The following TANC2 variants were observed in gnomAD, a reference collection of about 807,000 sequenced individuals.
TANC2 encodes the protein tetratricopeptide repeat, ankyrin repeat and coiled-coil containing 2.
TANC2 carries 26 observed loss-of-function variants against 210.5 expected under a neutral mutation model. The ratio of observed to expected loss-of-function variants is 0.12; its 90% CI spans 0.09 to 0.17. The LOEUF is 0.17. Among genes scored for constraint, TANC2 ranks in the 10% least tolerant of loss-of-function variants. The probability of loss-of-function intolerance (pLI) is 1.00; values close to 1 mark genes in which losing one functional copy is unlikely to be tolerated. For missense variants in TANC2, 2,129 were observed against 2,608.9 expected, an observed-to-expected ratio of 0.82 and a Z score of 4.01; for synonymous variants, 931 against 967.1, an observed-to-expected ratio of 0.96 and a Z score of 0.69.
In TANC2 at chr17:63,182,381, G is replaced by A. The variant is rs115818115; in HGVS notation, c.434-11610G>A. 395 of 235,072 alleles carry A rather than the reference G, an allele frequency of 1.7e-3. 2 individuals carry two copies. Among genetic ancestry groups the A allele is most frequent in the African/African-American group, 8.5e-3 (370 of 43,720 alleles). The allele number at this position is 235,072 out of a possible 1,614,324, so 14.6% of individuals were successfully genotyped here. On this transcript the variant is annotated intron_variant, in intron 5 of 27. Transcript: ENST00000689528. ...AAATGGGACATCTGTGACAAATATG[G>A]CAGAGAAATTAAATGGTGGAGGAGG...
chr17:63,274,452 C>T (rs2043811766), intron 9 of TANC2, among the ~76,000 whole-genome samples: 1 of 152,064 alleles, frequency 6.6e-6, no homozygotes, highest in Non-Finnish European at 1.5e-5. Context: ...CTTTTCTAGT[C>T]CCAAAGCCTA....
chr17:63,211,175 C>T (rs987207737), intron 7 of TANC2, among the ~76,000 whole-genome samples: 6 of 152,142 alleles, frequency 3.9e-5, no homozygotes, highest in Non-Finnish European at 5.9e-5. Context: ...ATCAATTACT[C>T]ATTTGACTCC....
chr17:63,073,870 GTAGA>G, intron 2 of TANC2, 69 bp from the exon 3 acceptor site: 1 of 1,212,390 alleles, frequency 8.2e-7, no homozygotes, highest in South Asian at 1.4e-5. Context: ...AGTTTTAAAT[GTAGA>G]TAATGTCAGA....
intron 2 of TANC2, among the ~76,000 whole-genome samples, chr17:63,036,980 A>C (rs2034998939): frequency 6.6e-6 from 1 of 152,016 alleles, no homozygotes; most frequent in Non-Finnish European, 1.5e-5. Context: ...CTTTTTTTAC[A>C]CATACATAGG....
intron 14 of TANC2, among the ~76,000 whole-genome samples, chr17:63,374,094 C>T (rs1487712618): frequency 3.9e-5 from 5 of 128,768 alleles, no homozygotes; most frequent in Admixed American, 9.0e-5. Context: ...TGGAGTGCAA[C>T]GGTGTAATCA....
chr17:63,208,416 A>G (rs73323757), intron 7 of TANC2, among the ~76,000 whole-genome samples: 3,200 of 152,242 alleles, frequency 0.021, 104 homozygotes, highest in African/African-American at 0.072. Flanking sequence ...TACTGTCTTA[A>G]TTACAACCGC....
intron 14 of TANC2, among the ~76,000 whole-genome samples, chr17:63,370,333 C>A (rs1194656415): frequency 6.6e-6 from 1 of 152,086 alleles, no homozygotes; most frequent in Non-Finnish European, 1.5e-5. Context: ...CATCCGCCAC[C>A]ACTCCCGGCT....
intron 8 of TANC2, among the ~76,000 whole-genome samples, chr17:63,251,416 T>A (rs2043050276): frequency 6.6e-6 from 1 of 152,114 alleles, no homozygotes; most frequent in African/African-American, 2.4e-5. Context: ...TAGGTACAAC[T>A]AGAAGAACAA....
At chr17:63,100,449 T>TA (rs1169399670) in intron 4 of TANC2, among the ~76,000 whole-genome samples, 32 of 152,022 alleles carry the variant, frequency 2.1e-4, no homozygotes. Context: ...GTCATTAGAT[T>TA]AAAAAAATAG....
intron 5 of TANC2, among the ~76,000 whole-genome samples, chr17:63,177,264 CAA>C (rs755034454): frequency 5.5e-5 from 4 of 73,266 alleles, no homozygotes; most frequent in Admixed American, 1.5e-4. Flanking sequence ...GACTCTGTCT[CAA>C]AAAAAAAAAA....
chr17:63,026,305 GTACCT>G (rs2034551911), intron 2 of TANC2, among the ~76,000 whole-genome samples: 32 of 152,108 alleles, frequency 2.1e-4, no homozygotes, highest in Admixed American at 1.6e-3. Flanking sequence ...TGTATCCTCA[GTACCT>G]GCCCGGCACA....
chr17:62,970,466 C>T (rs549190587), intron 1 of TANC2, among the ~76,000 whole-genome samples: 6 of 152,296 alleles, frequency 3.9e-5, no homozygotes, highest in Admixed American at 1.3e-4. Flanking sequence ...GAATTCTTGA[C>T]TGTCCCACGC....
At chr17:63,407,039 G>T (rs1311249900) in intron 21 of TANC2, among the ~76,000 whole-genome samples, 1 of 152,230 alleles carries the variant, frequency 6.6e-6, no homozygotes, top group African/African-American at 2.4e-5. Flanking sequence ...ACAAGCACAT[G>T]TACTTTCCTT....
chr17:63,356,320 C>G lies in TANC2; in HGVS notation c.2582+930C>G, dbSNP rs191776357. On this transcript the variant is annotated intron_variant, in intron 14 of 27. Transcript: ENST00000689528. ...TAATAAAGTTGGTGTTTTCAAAAGCCGGGTACATTACTGACTTCATGGAAA... is the reference window on the plus strand; with the variant it reads ...TAATAAAGTTGGTGTTTTCAAAAGCGGGGTACATTACTGACTTCATGGAAA... Among the ~76,000 whole-genome samples the G allele has an allele frequency of 2.0e-4, 31 of 152,170 alleles. 1 individual carries two copies. Among genetic ancestry groups the G allele is most frequent in the Admixed American group, 2.0e-3 (31 of 15,282 alleles).
intron 2 of TANC2, among the ~76,000 whole-genome samples, chr17:63,038,767 A>G (rs2144230162): frequency 6.6e-6 from 1 of 152,290 alleles, no homozygotes; most frequent in South Asian, 2.1e-4. Flanking sequence ...AAAAAGGTGT[A>G]TTTAAAAGAC....
intron 11 of TANC2, among the ~76,000 whole-genome samples, chr17:63,331,797 C>T (rs955416482): frequency 5.9e-5 from 9 of 151,496 alleles, no homozygotes; most frequent in Non-Finnish European, 1.2e-4. Context: ...ACAGTGAAAA[C>T]GCCAAGAATG....
chr17:63,302,744 C>T (rs1425262158), intron 9 of TANC2, among the ~76,000 whole-genome samples: 5 of 150,888 alleles, frequency 3.3e-5, no homozygotes, highest in Admixed American at 6.6e-5. Context: ...ACTCTTTATC[C>T]GATTTGCCAG....
At chr17:63,289,364 T>C (rs1173572494) in intron 9 of TANC2, among the ~76,000 whole-genome samples, 1 of 152,178 alleles carries the variant, frequency 6.6e-6, no homozygotes. Context: ...TCTGGGTTTT[T>C]TTCAGTCTTC....
intron 4 of TANC2, among the ~76,000 whole-genome samples, chr17:63,107,091 A>G (rs956290687): frequency 1.3e-5 from 2 of 151,662 alleles, no homozygotes; most frequent in African/African-American, 4.9e-5. Flanking sequence ...GTCAGGTTAG[A>G]TGATTTGCAA....
Sources: gnomAD v4.1 joint callset for allele counts (sites outside exome capture counted in the v4.1 genomes callset) on GRCh38, gnomAD v4.1.1 for gene constraint, MANE v1.5 for transcripts, NCBI Gene and HGNC (gene_info 2026-07-23, HGNC 2026-07-21) for gene names.